TRHDE: variants seen among roughly 807,000 people sequenced by gnomAD.
TRHDE encodes thyrotropin-releasing hormone-degrading ectoenzyme.
TRHDE carries 72 observed loss-of-function variants against 125.7 expected under a neutral mutation model. The ratio of observed to expected loss-of-function variants is 0.57; its 90% CI spans 0.47 to 0.70. TRHDE has a LOEUF of 0.70. Ranked by LOEUF, TRHDE falls within the 30% of genes least tolerant of loss-of-function variation. The probability of loss-of-function intolerance (pLI) is 0.00; values close to 1 mark genes in which losing one functional copy is unlikely to be tolerated. For missense variants in TRHDE, 1,110 were observed against 1,327.1 expected, an observed-to-expected ratio of 0.84 and a Z score of 2.54; for synonymous variants, 509 against 509.1, an observed-to-expected ratio of 1.00 and a Z score of 0.00.
At chr12:72,347,922 C>T (rs1210983670) in intron 2 of TRHDE, among the ~76,000 whole-genome samples, 2 of 151,944 alleles carry the variant, frequency 1.3e-5, no homozygotes, top group East Asian at 1.9e-4. Context: ...GAGAGGATTA[C>T]AGAAGGGTGT....
intron 2 of TRHDE, among the ~76,000 whole-genome samples, chr12:72,369,273 A>G (rs1871468608): frequency 6.6e-6 from 1 of 152,116 alleles, no homozygotes; most frequent in African/African-American, 2.4e-5. Context: ...ATGATGTATT[A>G]CCACCAGGGT....
intron 2 of TRHDE, among the ~76,000 whole-genome samples, chr12:72,190,876 A>C (rs1877324500): frequency 6.6e-6 from 1 of 152,198 alleles, no homozygotes; most frequent in African/African-American, 2.4e-5. Flanking sequence ...CTATATAAAA[A>C]TTTGGAAGCC....
At chr12:72,434,561 A>C (rs1223266668) in intron 3 of TRHDE, among the ~76,000 whole-genome samples, 1 of 152,084 alleles carries the variant, frequency 6.6e-6, no homozygotes, top group Admixed American at 6.6e-5. Flanking sequence ...CCTAGATTAG[A>C]TTTTCAGTCA....
intron 15 of TRHDE, among the ~76,000 whole-genome samples, chr12:72,637,014 C>T (rs1483586115): frequency 6.6e-6 from 1 of 152,130 alleles, no homozygotes; most frequent in African/African-American, 2.4e-5. Context: ...TGATGCTGGC[C>T]TCATAAATGA....
At chr12:72,466,790 G>A (rs1876396736) in intron 3 of TRHDE, among the ~76,000 whole-genome samples, 1 of 152,098 alleles carries the variant, frequency 6.6e-6, no homozygotes, top group African/African-American at 2.4e-5. Context: ...GACTACCTTA[G>A]AGAGGGCTGC....
chr12:72,114,712 G>T (rs1174127729), intron 2 of TRHDE, among the ~76,000 whole-genome samples: 1 of 152,036 alleles, frequency 6.6e-6, no homozygotes, highest in East Asian at 1.9e-4. Flanking sequence ...AGGTGAGATG[G>T]AAGAAGGCTT....
At chr12:72,184,158 T>C (rs1877153859) in intron 2 of TRHDE, among the ~76,000 whole-genome samples, 1 of 152,194 alleles carries the variant, frequency 6.6e-6, no homozygotes, top group South Asian at 2.1e-4. Flanking sequence ...TATTTATTCA[T>C]GAAATATAGA....
chr12:72,338,748 C>A (rs1869946153), intron 2 of TRHDE, among the ~76,000 whole-genome samples: 1 of 152,050 alleles, frequency 6.6e-6, no homozygotes. Flanking sequence ...TAACTTAAGT[C>A]CACGGGGAAG....
intron 15 of TRHDE, among the ~76,000 whole-genome samples, chr12:72,634,890 C>T (rs1873665706): frequency 2.0e-5 from 3 of 152,018 alleles, no homozygotes; most frequent in Non-Finnish European, 4.4e-5. Flanking sequence ...TTTTCTTAAT[C>T]CAGTCTATCA....
chr12:72,381,088 G>A (rs1385919388), intron 3 of TRHDE, among the ~76,000 whole-genome samples: 3 of 152,102 alleles, frequency 2.0e-5, no homozygotes, highest in Non-Finnish European at 4.4e-5. Context: ...AGACATTTTT[G>A]TTTGTTACAA....
In TRHDE at chr12:72,272,741, AG is replaced by A; in HGVS notation, c.103del (p.Ala35ProfsTer156). ...AAGAAGGAGGAGGAGGAGGAGGAGG[AG>A]GGGGCCGAGAAGAGCAGCTCACCCT... ...KKKKEEEEEE[E>X]GAEKSSSPFA... On this transcript the variant is annotated frameshift_variant, in exon 1 of 19. Coordinates refer to ENST00000261180, the MANE Select transcript of TRHDE (RefSeq NM_013381.3). LOFTEE classifies it high-confidence loss of function. This position sits in a 1 kb window ranked among gnomAD's most constrained non-coding sequence, Gnocchi z 6.7. The A allele has an allele frequency of 2.0e-6, 3 of 1,491,672 alleles. No homozygotes were observed. Among genetic ancestry groups the A allele is most frequent in the Non-Finnish European group, 2.7e-6 (3 of 1,122,022 alleles). The allele number at this position is 1,491,672 out of a possible 1,614,324, so 92.4% of individuals were successfully genotyped here.
chr12:72,396,569 C>T (rs112796175), intron 3 of TRHDE, among the ~76,000 whole-genome samples: 2,509 of 152,096 alleles, frequency 0.016, 29 homozygotes, highest in Non-Finnish European at 0.026. Context: ...CATGGGGAAA[C>T]CCCATCTCTA....
intron 6 of TRHDE, among the ~76,000 whole-genome samples, chr12:72,503,836 C>T (rs1324335045): frequency 6.6e-6 from 1 of 152,044 alleles, no homozygotes; most frequent in Non-Finnish European, 1.5e-5. Context: ...TCTGTTTCCC[C>T]AAAGGGCTAT....
intron 2 of TRHDE, among the ~76,000 whole-genome samples, chr12:72,171,953 C>T (rs1876883517): frequency 6.6e-6 from 1 of 152,290 alleles, no homozygotes; most frequent in Admixed American, 6.5e-5. Flanking sequence ...TCAGTCTTCA[C>T]ATGCCCACTG....
chr12:72,369,620 C>T (rs1308802280), intron 2 of TRHDE, among the ~76,000 whole-genome samples: 1 of 152,058 alleles, frequency 6.6e-6, no homozygotes, highest in Non-Finnish European at 1.5e-5. Flanking sequence ...ACTATAGCCC[C>T]CAGAAGGAAC....
At position 72,575,490 on chromosome 12, in the gene TRHDE, CT is replaced by C; in HGVS notation, c.2272del (p.Ser758LeufsTer8). ...TATTTTTTCTAATTGGCCTCAGGTT[CT>C]TTCTGTCAGTAACCGAGCGGGCTTG... ...IDQLIRNHEVLSVSNRAGLID... is the reference protein window; with the variant it reads ...IDQLIRNHEVXSVSNRAGLID... On this transcript the variant is annotated frameshift_variant, in exon 12 of 19. Transcript: ENST00000261180. LOFTEE classifies it high-confidence loss of function. 6.2e-7 allele frequency: 1 copy of C among 1,613,678 alleles called. No homozygotes were observed. The highest frequency in any genetic ancestry group is 1.1e-5 in the South Asian group (1 of 91,066).
chr12:72,495,973 T>C (rs757676730), intron 5 of TRHDE, among the ~76,000 whole-genome samples: 1 of 152,212 alleles, frequency 6.6e-6, no homozygotes, highest in Non-Finnish European at 1.5e-5. Context: ...CTAGGTAGTA[T>C]CTACATTGAA....
chr12:72,380,304 G>A lies in TRHDE; in HGVS notation c.1315+2183G>A, dbSNP rs571709514. Among the ~76,000 whole-genome samples the A allele has an allele frequency of 1.5e-3, 225 of 152,328 alleles. 1 individual carries two copies. The highest frequency in any genetic ancestry group is 5.3e-3 in the African/African-American group (222 of 41,580). The stretch of plus-strand genomic sequence containing the variant: ...TTCTGGGGCTTACATTCTTTTAGGT[G>A]AAGACAGACATTAAAGCAATTAGTA... On this transcript the variant is annotated intron_variant, in intron 3 of 18. Transcript: ENST00000261180.
intron 2 of TRHDE, among the ~76,000 whole-genome samples, chr12:72,155,470 G>A (rs1876481957): frequency 6.6e-6 from 1 of 152,138 alleles, no homozygotes; most frequent in South Asian, 2.1e-4. Flanking sequence ...GAGGCGCTCT[G>A]ATTTTTAGAG....
Sources: gnomAD v4.1 joint callset for allele counts (sites outside exome capture counted in the v4.1 genomes callset) on GRCh38, gnomAD v4.1.1 for gene constraint, Gnocchi (gnomAD v3.1) non-coding constraint, MANE v1.5 for transcripts, NCBI Gene and HGNC (gene_info 2026-07-23, HGNC 2026-07-21) for gene names.